Variants in GREB1L observed in about 807,000 individuals in gnomAD.
The protein encoded by GREB1L is GREB1 like retinoic acid receptor coactivator, also known as GREB1-like protein.
In GREB1L, 17 loss-of-function variants were observed where a neutral mutation model predicts 200.8. That is an observed-to-expected ratio of 0.08 (90% confidence interval 0.06 to 0.13). The LOEUF (loss-of-function observed/expected upper bound fraction) is 0.13, where lower values mean the gene tolerates loss of function less well. GREB1L is among the 10% of genes least tolerant of loss of function. GREB1L has a pLI of 1.00. For synonymous variants in GREB1L, 789 were observed against 893.0 expected (o/e 0.88, Z 2.08); for missense variants, 1,657 against 2,367.7 (o/e 0.70, Z 6.23).
chr18:21,470,416 T>C (rs2035438297), intron 15 of GREB1L, among the ~76,000 whole-genome samples: 1 of 152,218 alleles, frequency 6.6e-6, no homozygotes, highest in African/African-American at 2.4e-5. Context: ...AATTAATAGT[T>C]TCATCATTTT....
intron 1 of GREB1L, among the ~76,000 whole-genome samples, chr18:21,292,673 A>T (rs1337119802): frequency 6.6e-6 from 1 of 152,216 alleles, no homozygotes; most frequent in Non-Finnish European, 1.5e-5. Context: ...CCATGTAAGC[A>T]TGTATCAGTA....
intron 5 of GREB1L, among the ~76,000 whole-genome samples, chr18:21,399,965 A>G (rs924093129): frequency 1.3e-5 from 2 of 152,190 alleles, no homozygotes; most frequent in African/African-American, 4.8e-5. Flanking sequence ...TTATTAATAT[A>G]TATCAGGTTA....
intron 1 of GREB1L, among the ~76,000 whole-genome samples, chr18:21,265,485 C>G (rs115590339): frequency 2.0e-5 from 3 of 151,910 alleles, no homozygotes; most frequent in Non-Finnish European, 4.4e-5. Flanking sequence ...TTTATTGAAA[C>G]CATTTTTTTT....
chr18:21,500,672 G>A (rs2036750276), intron 23 of GREB1L, 30 bp downstream of exon 23: 3 of 1,428,468 alleles, frequency 2.1e-6, no homozygotes, highest in East Asian at 2.5e-5. Context: ...AGTGGGCAGA[G>A]GGGCAAGAGA....
chr18:21,391,978 G>C (rs1164511063), intron 4 of GREB1L, among the ~76,000 whole-genome samples: 1 of 151,974 alleles, frequency 6.6e-6, no homozygotes, highest in Non-Finnish European at 1.5e-5. Context: ...CCCAGCTAAT[G>C]TTTGTATTTT....
intron 7 of GREB1L, among the ~76,000 whole-genome samples, chr18:21,412,150 C>T (rs1479878700): frequency 6.6e-6 from 1 of 150,764 alleles, no homozygotes; most frequent in Non-Finnish European, 1.5e-5. Flanking sequence ...GTAGTCCTGG[C>T]ACTTTGGGAG....
At chr18:21,395,711 A>T in intron 5 of GREB1L, 150 bp downstream of exon 5, 1 of 576,364 alleles carries the variant, frequency 1.7e-6, no homozygotes, top group Non-Finnish European at 2.9e-6. Flanking sequence ...TTTTTCTTTT[A>T]GTAACTTCTT....
At position 21,518,144 on chromosome 18, in the gene GREB1L, G is replaced by A. The variant is rs1210627612; in HGVS notation, c.5382G>A (p.Gln1794=). 1 of 1,551,480 alleles carries A rather than the reference G, an allele frequency of 6.4e-7. No individual in the cohort carries two copies. Among genetic ancestry groups the A allele is most frequent in the African/African-American group, 1.4e-5 (1 of 72,988 alleles). Reference sequence around the variant, plus strand: ...AGTTTCTCCTGGAGAAATTCCTTCAGCACGCCTCATATAAACTCTTCCCCA... The same window carrying A: ...AGTTTCTCCTGGAGAAATTCCTTCAACACGCCTCATATAAACTCTTCCCCA... ...PAQFLLEKFL[Q]HASYKLFPKA... The change falls in exon 31 of 33, where the codon CAG becomes CAA. Residue 1794 remains glutamine (Q), a synonymous_variant. Transcript: ENST00000424526.
intron 1 of GREB1L, among the ~76,000 whole-genome samples, chr18:21,332,555 A>G (rs1301515611): frequency 6.6e-6 from 1 of 151,974 alleles, no homozygotes; most frequent in African/African-American, 2.4e-5. Context: ...GCTCACTGCC[A>G]TCTCCACTTC....
intron 9 of GREB1L, 29 bp from the exon 10 acceptor site, chr18:21,441,371 T>C: frequency 6.6e-7 from 1 of 1,509,092 alleles, no homozygotes; most frequent in Non-Finnish European, 8.8e-7. Flanking sequence ...TTTCACGCCA[T>C]CTTTCTTGTC....
chr18:21,520,655 A>T (rs910339040), intron 31 of GREB1L, 33 bp from the exon 32 acceptor site: 4 of 1,551,088 alleles, frequency 2.6e-6, no homozygotes, highest in Non-Finnish European at 3.5e-6. Flanking sequence ...TTGCTCTTGA[A>T]ATGCCCATGC....
intron 16 of GREB1L, 48 bp downstream of exon 16, chr18:21,473,259 A>G (rs967226983): frequency 7.6e-7 from 1 of 1,322,730 alleles, no homozygotes; most frequent in South Asian, 1.8e-5. Flanking sequence ...TACAGGAATA[A>G]TTGTTACCTA....
intron 7 of GREB1L, among the ~76,000 whole-genome samples, chr18:21,414,759 T>C (rs2031456064): frequency 6.6e-6 from 1 of 152,010 alleles, no homozygotes; most frequent in Non-Finnish European, 1.5e-5. Context: ...AACACCACGG[T>C]TATAGAATCA....
intron 15 of GREB1L, among the ~76,000 whole-genome samples, chr18:21,466,424 T>G (rs2035264780): frequency 6.6e-6 from 1 of 152,108 alleles, no homozygotes; most frequent in Admixed American, 6.6e-5. Flanking sequence ...CTTAAAATTT[T>G]TTTTATTTTA....
intron 1 of GREB1L, among the ~76,000 whole-genome samples, chr18:21,290,207 G>A (rs1430774621): frequency 2.6e-5 from 4 of 152,216 alleles, no homozygotes; most frequent in South Asian, 2.1e-4. Context: ...CATTTTAATC[G>A]CCCTCTAGAT....
intron 9 of GREB1L, among the ~76,000 whole-genome samples, chr18:21,440,717 T>C (rs185124453): frequency 5.4e-4 from 83 of 152,344 alleles, no homozygotes; most frequent in African/African-American, 1.9e-3. Context: ...TCTGGTTCTT[T>C]ATGTGACCCA....
intron 2 of GREB1L, among the ~76,000 whole-genome samples, chr18:21,377,265 G>GAA (rs74271353): frequency 7.0e-6 from 1 of 143,214 alleles, no homozygotes; most frequent in African/African-American, 2.6e-5. Context: ...AGGTTGGAAG[G>GAA]AAAAAAAAAA....
chr18:21,297,014 G>C (rs1255589625), intron 1 of GREB1L, among the ~76,000 whole-genome samples: 1 of 152,110 alleles, frequency 6.6e-6, no homozygotes, highest in Non-Finnish European at 1.5e-5. Context: ...TGATTTTAGT[G>C]TACAGCCGAG....
intron 1 of GREB1L, among the ~76,000 whole-genome samples, chr18:21,347,447 T>A (rs1175447893): frequency 6.6e-6 from 1 of 151,734 alleles, no homozygotes; most frequent in Non-Finnish European, 1.5e-5. Flanking sequence ...GTTTTACTCT[T>A]CCTTTGCTTC....
Sources: gnomAD v4.1 joint callset for allele counts (sites outside exome capture counted in the v4.1 genomes callset) on GRCh38, gnomAD v4.1.1 for gene constraint, MANE v1.5 for transcripts, NCBI Gene and HGNC (gene_info 2026-07-23, HGNC 2026-07-21) for gene names.